Variants in PRKAR1A observed in about 807,000 individuals in gnomAD.
PRKAR1A encodes the protein protein kinase cAMP-dependent type I regulatory subunit alpha.
Under a neutral mutation model 52.0 loss-of-function variants are expected in PRKAR1A, and 3 were observed. The observed-to-expected ratio is 0.06, with a 90% CI of 0.03 to 0.15. The LOEUF (loss-of-function observed/expected upper bound fraction) is 0.15, where lower values mean the gene tolerates loss of function less well. Among genes scored for constraint, PRKAR1A ranks in the 10% least tolerant of loss-of-function variants. The pLI is 1.00. For synonymous variants in PRKAR1A, 188 were observed against 168.4 expected (o/e 1.12, Z -0.90); for missense variants, 240 against 477.4 (o/e 0.50, Z 4.63).
the PRKAR1A span, chr17:68,420,568 T>C: frequency 1.5e-6 from 2 of 1,357,280 alleles, no homozygotes; most frequent in South Asian, 1.3e-5. Context: ...AGTTTAGTCT[T>C]GGAGTTTAGT....
At chr17:68,519,637 G>A (rs1409421005) in intron 2 of PRKAR1A, among the ~76,000 whole-genome samples, 2 of 152,226 alleles carry the variant, frequency 1.3e-5, no homozygotes, top group Non-Finnish European at 2.9e-5. Context: ...TTACTGGGGG[G>A]TTGTGTTTCT....
the PRKAR1A span, among the ~76,000 whole-genome samples, chr17:68,486,193 C>T: frequency 7.3e-6 from 1 of 137,116 alleles, no homozygotes; most frequent in Non-Finnish European, 1.6e-5. Flanking sequence ...AAGAGAAGAG[C>T]TCATGAGGTT....
chr17:68,444,575 G>A, the PRKAR1A span: 3 of 1,613,536 alleles, frequency 1.9e-6, no homozygotes. Flanking sequence ...ACTCTTCTAG[G>A]CAAACCAGCA....
upstream of PRKAR1A, among the ~76,000 whole-genome samples, chr17:68,509,772 G>A (rs1315215058): frequency 6.6e-6 from 1 of 152,178 alleles, no homozygotes; most frequent in Non-Finnish European, 1.5e-5. Flanking sequence ...GGGCTCAACT[G>A]TCTACTGCCC....
the PRKAR1A span, chr17:68,427,406 G>T: frequency 5.4e-5 from 30 of 551,970 alleles, no homozygotes; most frequent in Non-Finnish European, 8.8e-5. Context: ...GCCCAGGCTG[G>T]AGTGCAGTGG....
the PRKAR1A span, among the ~76,000 whole-genome samples, chr17:68,426,599 C>A: frequency 6.6e-6 from 1 of 152,210 alleles, no homozygotes; most frequent in Non-Finnish European, 1.5e-5. Flanking sequence ...GTGGTATGAT[C>A]TCAGCTCACT....
the PRKAR1A span, chr17:68,451,032 A>C: frequency 8.0e-7 from 1 of 1,254,052 alleles, no homozygotes; most frequent in East Asian, 2.7e-5. Flanking sequence ...GCCCTCTCTG[A>C]GCTTGCATTG....
intron 1 of PRKAR1A, chr17:68,513,138 G>A (rs2085320964): frequency 6.6e-6 from 1 of 152,060 alleles, no homozygotes; most frequent in Admixed American, 6.6e-5. Flanking sequence ...TTGCCCCCCT[G>A]AGGCCTCCTC....
chr17:68,487,136 T>G, the PRKAR1A span, among the ~76,000 whole-genome samples: 1 of 152,156 alleles, frequency 6.6e-6, no homozygotes, highest in Non-Finnish European at 1.5e-5. Flanking sequence ...CCTCCCAAAG[T>G]GCAGGGATTA....
chr17:68,536,966 A>G (rs554981211), downstream of PRKAR1A: 11 of 454,268 alleles, frequency 2.4e-5, no homozygotes, highest in East Asian at 2.1e-4. Context: ...ATATGAGTAG[A>G]AAGTGTGAGG....
At chr17:68,471,039 T>TA in the PRKAR1A span, among the ~76,000 whole-genome samples, 3 of 152,146 alleles carry the variant, frequency 2.0e-5, no homozygotes, top group Non-Finnish European at 1.5e-5. Context: ...TATAAATGAA[T>TA]AAAAAAACTA....
the PRKAR1A span, among the ~76,000 whole-genome samples, chr17:68,443,444 T>C: frequency 1.3e-5 from 2 of 152,178 alleles, no homozygotes; most frequent in African/African-American, 2.4e-5. Context: ...CCTTTTGCCA[T>C]AGCTGAAATG....
At position 68,531,244 on chromosome 17, in the gene PRKAR1A, G is replaced by A; in HGVS notation, c.*795G>A. ...TTCCGATTAGACCTTTATCCAGCTA[G>A]TGCCAAATAATTGATCAGATGCTGA... On this transcript the variant is annotated 3_prime_UTR_variant, in exon 11 of 11. Coordinates refer to ENST00000589228, the MANE Select transcript of PRKAR1A (RefSeq NM_002734.5). The A allele has an allele frequency of 9.4e-7, 1 of 1,066,372 alleles. No homozygotes were observed. Among genetic ancestry groups the A allele is most frequent in the Non-Finnish European group, 1.1e-6 (1 of 879,668 alleles). 66.1% of individuals were successfully genotyped at this position (1,066,372 alleles called of 1,614,324 possible).
chr17:68,510,204 A>C (rs1000226854), upstream of PRKAR1A, among the ~76,000 whole-genome samples: 2 of 150,038 alleles, frequency 1.3e-5, no homozygotes, highest in Admixed American at 6.6e-5. Context: ...AGATCTATCT[A>C]TTCTGCAATG....
At chr17:68,423,503 A>T in the PRKAR1A span, among the ~76,000 whole-genome samples, 1 of 152,200 alleles carries the variant, frequency 6.6e-6, no homozygotes, top group Non-Finnish European at 1.5e-5. The surrounding 1 kb of genome is among the most constrained non-coding windows in gnomAD (Gnocchi z 4.4). Flanking sequence ...TGACACTCAC[A>T]AGGGTCTAAC....
At chr17:68,549,352 G>C (rs2086725239) in intron 11 of PRKAR1A, among the ~76,000 whole-genome samples, 1 of 152,162 alleles carries the variant, frequency 6.6e-6, no homozygotes. Flanking sequence ...AAGTTAGCCA[G>C]GTGTGGTGGT....
chr17:68,425,914 C>T, the PRKAR1A span: 1 of 625,638 alleles, frequency 1.6e-6, no homozygotes, highest in South Asian at 2.0e-5. Flanking sequence ...ATTCGAAGCA[C>T]ACAGTACAAC....
the PRKAR1A span, among the ~76,000 whole-genome samples, chr17:68,489,341 A>ATATATATATATATATATGGAAAG: frequency 0.021 from 298 of 14,520 alleles, 24 homozygotes; most frequent in East Asian, 0.079. Context: ...TATGGAAAGT[A>ATATATATATATATATATGGAAAG]TATATATATA....
chr17:68,511,341 T>C (rs987990988), upstream of PRKAR1A, among the ~76,000 whole-genome samples: 8 of 152,206 alleles, frequency 5.3e-5, no homozygotes, highest in African/African-American at 1.9e-4. Context: ...TTGATGTGTC[T>C]AAAATTGTAC....
Sources: gnomAD v4.1 joint callset for allele counts (sites outside exome capture counted in the v4.1 genomes callset) on GRCh38, gnomAD v4.1.1 for gene constraint, Gnocchi (gnomAD v3.1) non-coding constraint, MANE v1.5 for transcripts, NCBI Gene and HGNC (gene_info 2026-07-23, HGNC 2026-07-21) for gene names.